The following C8orf34 variants were observed in gnomAD, a reference collection of about 807,000 sequenced individuals.
C8orf34 encodes uncharacterized protein C8orf34.
A neutral mutation model predicts 68.3 loss-of-function variants in C8orf34; 65 were observed. The ratio of observed to expected loss-of-function variants is 0.95; its 90% CI spans 0.78 to 1.17. The LOEUF is 1.17. Ranked by LOEUF, C8orf34 falls within the 50% of genes most tolerant of loss-of-function variation. The pLI, the probability that C8orf34 is intolerant of heterozygous loss-of-function variation, is 0.00. For synonymous variants in C8orf34, 244 were observed against 241.2 expected, an observed-to-expected ratio of 1.01 and a Z score of -0.11; for missense variants, 664 against 655.4, an observed-to-expected ratio of 1.01 and a Z score of -0.14.
chr8:68,658,496 G>A (rs1393651913), intron 8 of C8orf34, among the ~76,000 whole-genome samples: 4 of 152,046 alleles, frequency 2.6e-5, no homozygotes, highest in Admixed American at 1.3e-4. Context: ...CCCACTTAAT[G>A]TAAGCGCAGC....
chr8:68,410,072 A>G (rs959924047), intron 1 of C8orf34, among the ~76,000 whole-genome samples: 1 of 152,206 alleles, frequency 6.6e-6, no homozygotes, highest in Non-Finnish European at 1.5e-5. Flanking sequence ...CCAACAACAC[A>G]TTTCTCAGAA....
intron 13 of C8orf34, among the ~76,000 whole-genome samples, chr8:68,817,989 A>T (rs1402120369): frequency 1.4e-5 from 2 of 147,662 alleles, no homozygotes; most frequent in East Asian, 4.8e-4. Context: ...TTGTAATTCA[A>T]CGAGATTCGG....
At chr8:68,726,290 T>A (rs998991799) in intron 10 of C8orf34, among the ~76,000 whole-genome samples, 1 of 152,110 alleles carries the variant, frequency 6.6e-6, no homozygotes, top group Admixed American at 6.5e-5. Context: ...TCAGAACAGG[T>A]AGTTTTTCAT....
intron 10 of C8orf34, among the ~76,000 whole-genome samples, chr8:68,737,032 A>G (rs2129527094): frequency 6.6e-6 from 1 of 152,206 alleles, no homozygotes; most frequent in East Asian, 1.9e-4. Context: ...TATTATTATC[A>G]TCATTGTGGC....
intron 7 of C8orf34, among the ~76,000 whole-genome samples, chr8:68,617,793 G>A (rs1435876217): frequency 1.3e-5 from 2 of 152,222 alleles, no homozygotes; most frequent in East Asian, 3.9e-4. Flanking sequence ...GAGTATCTTT[G>A]TGGAGTTCTC....
intron 8 of C8orf34, among the ~76,000 whole-genome samples, chr8:68,701,425 C>A (rs765206747): frequency 1.8e-4 from 28 of 152,122 alleles, no homozygotes; most frequent in Non-Finnish European, 3.1e-4. Context: ...AACAAAATTC[C>A]ACTTAATCCC....
At chr8:68,605,383 G>A (rs1411067927) in intron 7 of C8orf34, among the ~76,000 whole-genome samples, 5 of 152,128 alleles carry the variant, frequency 3.3e-5, no homozygotes, top group East Asian at 1.9e-4. Context: ...AACTGAAAAT[G>A]TATGTCTACA....
intron 1 of C8orf34, among the ~76,000 whole-genome samples, chr8:68,354,397 A>G (rs1298444071): frequency 6.6e-6 from 1 of 152,088 alleles, no homozygotes. Flanking sequence ...ACCGGGGTGC[A>G]GTGGTGTGAT....
intron 7 of C8orf34, among the ~76,000 whole-genome samples, chr8:68,572,860 T>G (rs960597147): frequency 4.6e-5 from 7 of 152,168 alleles, no homozygotes; most frequent in African/African-American, 1.7e-4. Flanking sequence ...TGGATAATGA[T>G]AAGGCATGGC....
intron 8 of C8orf34, among the ~76,000 whole-genome samples, chr8:68,646,086 A>C (rs1266036478): frequency 6.6e-6 from 1 of 152,042 alleles, no homozygotes; most frequent in Admixed American, 6.6e-5. Flanking sequence ...AATTTTAGTT[A>C]ATACATCTGT....
At chr8:68,576,838 A>AT (rs1184156208) in intron 7 of C8orf34, among the ~76,000 whole-genome samples, 4 of 152,036 alleles carry the variant, frequency 2.6e-5, no homozygotes, top group Admixed American at 2.0e-4. Flanking sequence ...AACAGATTAA[A>AT]TTTAAGAGTG....
intron 1 of C8orf34, among the ~76,000 whole-genome samples, chr8:68,380,832 A>T (rs1807999837): frequency 6.6e-6 from 1 of 152,228 alleles, no homozygotes; most frequent in African/African-American, 2.4e-5. Context: ...AGGCAATCAA[A>T]TTTACCACAC....
At chr8:68,398,523 A>T (rs1010304839) in intron 1 of C8orf34, among the ~76,000 whole-genome samples, 1 of 152,154 alleles carries the variant, frequency 6.6e-6, no homozygotes, top group South Asian at 2.1e-4. Flanking sequence ...TGGTAAAAAA[A>T]CACACACAAA....
At chr8:68,455,872 A>C (rs1435718818) in intron 3 of C8orf34, among the ~76,000 whole-genome samples, 15 of 152,046 alleles carry the variant, frequency 9.9e-5, no homozygotes, top group Non-Finnish European at 2.9e-5. Context: ...GTTTTAAAGA[A>C]AAAAGGAAAA....
chr8:68,476,817 G>A (rs1428045014), intron 4 of C8orf34, among the ~76,000 whole-genome samples: 4 of 152,170 alleles, frequency 2.6e-5, no homozygotes, highest in African/African-American at 4.8e-5. Flanking sequence ...GTGAATCATA[G>A]GATATAAAGA....
chr8:68,766,427 T>C lies in C8orf34; in HGVS notation c.1405-9972T>C, dbSNP rs1268273966. 2.0e-5 allele frequency among the ~76,000 whole-genome samples: 3 copies of C among 152,242 alleles called. No homozygotes were observed. The East Asian group carries it at 5.8e-4, about 29-fold the overall frequency. On this transcript the variant is annotated intron_variant, in intron 10 of 13. Coordinates refer to ENST00000518698, the MANE Select transcript of C8orf34 (RefSeq NM_052958.4). ...TTTACAAATTCCAAAGTGAAATCTA[T>C]TGATTTTTTTAAAGAGCTTAATGGA... is the stretch of plus-strand genomic sequence containing the variant.
intron 5 of C8orf34, among the ~76,000 whole-genome samples, chr8:68,516,787 T>C (rs1427891798): frequency 1.3e-5 from 2 of 152,010 alleles, no homozygotes; most frequent in African/African-American, 4.8e-5. Flanking sequence ...ATTATAGGCG[T>C]GTGCCACCAC....
At chr8:68,418,335 A>C (rs1809772619) in intron 1 of C8orf34, among the ~76,000 whole-genome samples, 7 of 151,150 alleles carry the variant, frequency 4.6e-5, no homozygotes, top group Admixed American at 4.6e-4. Flanking sequence ...CACTATGTTG[A>C]ATAGGAGTGG....
intron 10 of C8orf34, among the ~76,000 whole-genome samples, chr8:68,751,456 G>A (rs1822706368): frequency 6.6e-6 from 1 of 152,186 alleles, no homozygotes; most frequent in Non-Finnish European, 1.5e-5. Flanking sequence ...TCACCCCTGT[G>A]CTTGAAAAGA....
Sources: allele counts gnomAD v4.1 joint callset (sites outside exome capture counted in the v4.1 genomes callset), GRCh38; gene constraint gnomAD v4.1.1; transcripts MANE v1.5; gene names NCBI Gene and HGNC (gene_info 2026-07-23, HGNC 2026-07-21).